METTL25B: variants seen among roughly 807,000 people sequenced by gnomAD.
The protein encoded by METTL25B is methyltransferase like 25B.
A neutral mutation model predicts 48.4 loss-of-function variants in METTL25B; 38 were observed. The ratio of observed to expected loss-of-function variants is 0.78; its 90% confidence interval spans 0.61 to 1.03. The LOEUF (loss-of-function observed/expected upper bound fraction) is 1.03. METTL25B is among the 50% of genes least tolerant of loss of function. The pLI is 0.00. For synonymous variants in METTL25B, 230 were observed against 254.5 expected (o/e 0.90, Z 0.92); for missense variants, 537 against 603.7 (o/e 0.89, Z 1.16).
rs189115281 is a variant in METTL25B, at chr1:156,734,810, C to T, written c.1121+317C>T. Among the ~76,000 whole-genome samples, 6 of 143,832 alleles carry T rather than the reference C, an allele frequency of 4.2e-5. No individual in the cohort carries two copies. In the Admixed American group the frequency reaches 4.2e-4, roughly 10 times the overall value. 94.4% of individuals were successfully genotyped at this position (143,832 alleles called of 152,430 possible). On this transcript the variant is annotated intron_variant, in intron 6 of 7. Coordinates refer to ENST00000368216, the MANE Select transcript of METTL25B (RefSeq NM_015997.4). Reference sequence around the variant, plus strand: ...CCTCCCAAAGTGCTGGGATTACAGGCGTGAGCCACCGCACCCGGCCTGGAG... The same window carrying T: ...CCTCCCAAAGTGCTGGGATTACAGGTGTGAGCCACCGCACCCGGCCTGGAG...
At position 156,732,438 on chromosome 1, in the gene METTL25B, C is replaced by T; in HGVS notation, c.394C>T (p.Pro132Ser). 1 of 1,614,090 alleles carries T rather than the reference C, an allele frequency of 6.2e-7. No homozygotes were observed. Among genetic ancestry groups the T allele is most frequent in the South Asian group, 1.1e-5 (1 of 91,088 alleles). ...LTAPFRKHVR[P>S]KKQHEIRRLG... ...AGCTCCATTCCGGAAACATGTCAGG[C>T]CCAAGAAGCAGCATGAGATCCGGAG... Residue 132 changes from proline (P) to serine (S), a missense_variant, in exon 3 of 8, where the codon CCC becomes TCC. By Grantham distance (74) the Pro-to-Ser change is moderately conservative. Coordinates refer to ENST00000368216, the MANE Select transcript of METTL25B (RefSeq NM_015997.4).
chr1:156,730,120 T>C (rs999447816), intron 1 of METTL25B, among the ~76,000 whole-genome samples: 5 of 152,210 alleles, frequency 3.3e-5, no homozygotes, highest in Admixed American at 3.3e-4. Context: ...TACCAATTCT[T>C]CACTGAGCAG....
At position 156,729,121 on chromosome 1, in the gene METTL25B, C is replaced by T. The variant is rs746865588; in HGVS notation, c.17C>T (p.Ala6Val). MPGIS[A>V]RGLSHEGRKQ... ...GACCCCGGGATGCCGGGCATCTCCG[C>T]CCGAGGCCTCTCTCATGAGGGGAGG... The change falls in exon 1 of 8, where the codon GCC (alanine) becomes GTC (valine). Residue 6 changes from alanine to valine, a missense_variant. Coordinates refer to ENST00000368216, the MANE Select transcript of METTL25B (RefSeq NM_015997.4). 1 of 1,608,392 alleles carries T rather than the reference C, an allele frequency of 6.2e-7. No homozygotes were observed. The highest frequency in any genetic ancestry group is 1.1e-5 in the South Asian group (1 of 90,592).
At position 156,734,068 on chromosome 1, in the gene METTL25B, A is replaced by G. The variant is rs1421554901; in HGVS notation, c.696A>G (p.Thr232=). The G allele has an allele frequency of 4.3e-6, 7 of 1,613,980 alleles. No homozygotes were observed. Among genetic ancestry groups the G allele is most frequent in the Non-Finnish European group, 5.9e-6 (7 of 1,180,002 alleles). Residue 232 remains threonine, a synonymous_variant, in exon 6 of 8, where the codon ACA becomes ACG. Coordinates refer to ENST00000368216, the MANE Select transcript of METTL25B (RefSeq NM_015997.4). ...PHHVVRWVDP[T]ALCEELLLPL... ...ACGTGGTTAGGTGGGTAGACCCCAC[A>G]GCCCTGTGTGAGGAGCTTCTGCTTC...
chr1:156,729,749 A>ATG (rs1341529397), intron 1 of METTL25B, among the ~76,000 whole-genome samples: 1 of 152,138 alleles, frequency 6.6e-6, no homozygotes, highest in Non-Finnish European at 1.5e-5. Context: ...CTCCCCTATG[A>ATG]TGTTAACCTT....
intron 7 of METTL25B, 132 bp from the exon 8 acceptor site, chr1:156,736,500 G>C (rs1571525363): frequency 3.9e-6 from 4 of 1,021,968 alleles, no homozygotes; most frequent in Non-Finnish European, 5.8e-6. Flanking sequence ...TGTTCCTTAT[G>C]GAGAACGGGG....
At chr1:156,735,155 G>A (rs1649640767) in intron 6 of METTL25B, among the ~76,000 whole-genome samples, 1 of 151,766 alleles carries the variant, frequency 6.6e-6, no homozygotes, top group East Asian at 2.0e-4. Flanking sequence ...CAGGCGTGGA[G>A]GCATGCGCCT....
chr1:156,733,617 C>T, intron 5 of METTL25B, 97 bp downstream of exon 5: 1 of 1,335,274 alleles, frequency 7.5e-7, no homozygotes, highest in South Asian at 1.3e-5. Context: ...AGTTTCTCAG[C>T]TTGAACTGGT....
At chr1:156,733,179 A>T in intron 4 of METTL25B, 132 bp downstream of exon 4, 2 of 1,092,856 alleles carry the variant, frequency 1.8e-6, no homozygotes, top group Non-Finnish European at 2.6e-6. Context: ...CTCTTTGCAT[A>T]ATTTTTTTTA....
intron 3 of METTL25B, among the ~76,000 whole-genome samples, 182 bp from the exon 4 acceptor site, chr1:156,732,803 A>T (rs1343398985): frequency 6.6e-6 from 1 of 152,020 alleles, no homozygotes; most frequent in African/African-American, 2.4e-5. Flanking sequence ...ACCTGGGGTC[A>T]GGTCCACTCT....
chr1:156,728,866 G>T lies in METTL25B; in HGVS notation c.-239G>T. On this transcript the variant is annotated 5_prime_UTR_variant, in exon 1 of 8. Transcript: ENST00000368216. The stretch of plus-strand genomic sequence containing the variant: ...ACTGCACTGTTACCCCGCCCTACGT[G>T]TCTCTGACGCTGACACCTTCTCACT... The T allele has an allele frequency of 1.5e-6, 1 of 664,676 alleles. No individual in the cohort carries two copies. Among genetic ancestry groups the T allele is most frequent in the Non-Finnish European group, 2.2e-6 (1 of 445,306 alleles). The allele number at this position is 664,676 out of a possible 1,614,324, so 41.2% of individuals were successfully genotyped here.
In METTL25B at chr1:156,732,047, G is replaced by A. The variant is rs745895848; in HGVS notation, c.168G>A (p.Leu56=). Residue 56 remains leucine (L), a synonymous_variant, in exon 2 of 8, where the codon TTG becomes TTA. Coordinates refer to ENST00000368216, the MANE Select transcript of METTL25B (RefSeq NM_015997.4). ...TCCCTTGCTCATGGCAGGAAGCATT[G>A]GATGGACTGAAACCACCACAGCTGG... The part of the protein sequence containing the change: ...DTLPCSWQEA[L]DGLKPPQLAT... The A allele has an allele frequency of 1.9e-6, 3 of 1,614,186 alleles. No homozygotes were observed.
In METTL25B at chr1:156,735,658, CA is replaced by C. The variant is rs1649715693; in HGVS notation, c.1122-64del. The C allele has an allele frequency of 2.9e-6, 4 of 1,357,340 alleles. No individual in the cohort carries two copies. The Admixed American group carries it at 7.7e-5, about 26-fold the overall frequency. The allele number at this position is 1,357,340 out of a possible 1,614,324, so 84.1% of individuals were successfully genotyped here. A position where few individuals can be genotyped will look rare whatever the true frequency, so the allele number is the denominator to read the frequency against. On this transcript the variant is annotated intron_variant, in intron 6 of 7. Coordinates refer to ENST00000368216, the MANE Select transcript of METTL25B (RefSeq NM_015997.4). ...AAGTTGGAACTGAATTAGGAACAAG[CA>C]AAGTTTAAGTGAGAGGTGACAGTTC... is the stretch of plus-strand genomic sequence containing the variant.
chr1:156,732,375 G>A lies in METTL25B; in HGVS notation c.331G>A (p.Glu111Lys). The stretch of plus-strand genomic sequence containing the variant: ...GATGCCTGGCTTTCAGACCCCCTCA[G>A]AATTCCTGGAGAACCCCAGCCAGAG... The part of the protein sequence containing the change: ...TRMPGFQTPS[E>K]FLENPSQSSR... The change falls in exon 3 of 8, where the codon GAA becomes AAA. Residue 111 changes from glutamate to lysine, a missense_variant. By Grantham distance (56) the Glu-to-Lys change is moderately conservative. Coordinates refer to ENST00000368216, the MANE Select transcript of METTL25B (RefSeq NM_015997.4). The A allele has an allele frequency of 6.2e-7, 1 of 1,614,160 alleles. No homozygotes were observed. The highest frequency in any genetic ancestry group is 8.5e-7 in the Non-Finnish European group (1 of 1,180,036).
At chr1:156,735,674 G>T in intron 6 of METTL25B, 51 bp from the exon 7 acceptor site, 1 of 1,478,036 alleles carries the variant, frequency 6.8e-7, no homozygotes, top group Non-Finnish European at 9.1e-7. Flanking sequence ...TTAAGTGAGA[G>T]GTGACAGTTC....
intron 7 of METTL25B, 111 bp from the exon 8 acceptor site, chr1:156,736,521 C>A: frequency 7.5e-7 from 1 of 1,329,260 alleles, no homozygotes; most frequent in African/African-American, 1.5e-5. Context: ...TCTCCTTAGC[C>A]CCGCTGGATC....
intron 3 of METTL25B, 41 bp downstream of exon 3, chr1:156,732,514 A>G: frequency 6.3e-7 from 1 of 1,595,920 alleles, no homozygotes; most frequent in East Asian, 2.2e-5. Flanking sequence ...CTGGGAGCCC[A>G]GGGACTCCTT....
Position 156,732,275 on chromosome 1 carries a change from T to C in METTL25B, c.237-6T>C, listed in dbSNP as rs1649362399. On this transcript the variant is annotated splice_polypyrimidine_tract_variant and splice_region_variant and intron_variant, in intron 2 of 7. Coordinates refer to ENST00000368216, the MANE Select transcript of METTL25B (RefSeq NM_015997.4). ...TTCACTGGAGGCCTCGGCTGGACTA[T>C]CTCAGGTACAGGTCAGTGTGGCCAC... The C allele has an allele frequency of 1.2e-6, 2 of 1,613,814 alleles. No individual in the cohort carries two copies. The highest frequency in any genetic ancestry group is 2.2e-5 in the South Asian group (2 of 91,084).
intron 7 of METTL25B, chr1:156,736,235 C>A: frequency 3.7e-6 from 1 of 267,832 alleles, no homozygotes; most frequent in Non-Finnish European, 7.1e-6. Context: ...TGGCGCACAC[C>A]TGTAGTCTCA....
Sources: allele counts gnomAD v4.1 joint callset (sites outside exome capture counted in the v4.1 genomes callset), GRCh38; gene constraint gnomAD v4.1.1; transcripts MANE v1.5; gene names NCBI Gene and HGNC (gene_info 2026-07-23, HGNC 2026-07-21).